RALGAPA2: variants seen among roughly 807,000 people sequenced by gnomAD.
The protein encoded by RALGAPA2 is ral GTPase-activating protein subunit alpha-2.
A neutral mutation model predicts 230.4 loss-of-function variants in RALGAPA2; 139 were observed. That is an observed-to-expected ratio of 0.60 (90% CI 0.53 to 0.69). RALGAPA2 has a LOEUF of 0.69. Ranked by LOEUF, RALGAPA2 falls within the 30% of genes least tolerant of loss-of-function variation. The pLI, the probability that RALGAPA2 is intolerant of heterozygous loss-of-function variation, is 0.00. For missense variants in RALGAPA2, 2,163 were observed against 2,276.0 expected, an observed-to-expected ratio of 0.95 and a Z score of 1.01; for synonymous variants, 847 against 837.8, an observed-to-expected ratio of 1.01 and a Z score of -0.19.
chr20:20,481,572 A>G (rs2123471168), intron 36 of RALGAPA2, among the ~76,000 whole-genome samples: 1 of 152,366 alleles, frequency 6.6e-6, no homozygotes, highest in African/African-American at 2.4e-5. Context: ...GATTTTTGGC[A>G]CTGCCTTTAT....
intron 23 of RALGAPA2, among the ~76,000 whole-genome samples, chr20:20,563,900 T>C (rs570831846): frequency 9.3e-5 from 14 of 150,524 alleles, no homozygotes; most frequent in African/African-American, 3.5e-4. Flanking sequence ...TAATGAATTA[T>C]ACACATAGAC....
At chr20:20,475,618 G>A (rs1315517471) in intron 36 of RALGAPA2, among the ~76,000 whole-genome samples, 1 of 152,020 alleles carries the variant, frequency 6.6e-6, no homozygotes, top group East Asian at 1.9e-4. Context: ...GAGCTTAAAG[G>A]GGGAAAAAGG....
At chr20:20,673,346 CACT>C (rs149021982) in intron 3 of RALGAPA2, among the ~76,000 whole-genome samples, 39 of 151,508 alleles carry the variant, frequency 2.6e-4, no homozygotes, top group African/African-American at 5.8e-4. Context: ...GTGGCACAAA[CACT>C]ACTACTACTA....
intron 1 of RALGAPA2, among the ~76,000 whole-genome samples, chr20:20,694,254 G>A (rs972974986): frequency 3.3e-5 from 5 of 152,230 alleles, no homozygotes; most frequent in Non-Finnish European, 7.4e-5. Flanking sequence ...ACAAGTCACA[G>A]AACTTAATAG....
intron 38 of RALGAPA2, 134 bp from the exon 39 acceptor site, chr20:20,396,868 TA>T: frequency 1.4e-6 from 1 of 731,602 alleles, no homozygotes; most frequent in East Asian, 2.8e-5. Flanking sequence ...TGTCAATCAG[TA>T]AAAACTGAAC....
intron 37 of RALGAPA2, among the ~76,000 whole-genome samples, chr20:20,451,362 CA>C (rs1415151340): frequency 6.6e-6 from 1 of 152,084 alleles, no homozygotes; most frequent in East Asian, 1.9e-4. Context: ...GCCTGCTCCC[CA>C]AAAGACATCT....
At chr20:20,498,187 G>C (rs76439019) in intron 35 of RALGAPA2, among the ~76,000 whole-genome samples, 1,531 of 152,232 alleles carry the variant, frequency 0.01, 21 homozygotes, top group African/African-American at 0.035. Context: ...AGTGAGTTCG[G>C]TGAGTGCACA....
At chr20:20,629,648 C>A in intron 9 of RALGAPA2, 58 bp from the exon 10 acceptor site, 2 of 1,557,638 alleles carry the variant, frequency 1.3e-6, no homozygotes, top group South Asian at 2.2e-5. Flanking sequence ...GAACACCTGG[C>A]AAAACTTCAG....
chr20:20,619,707 T>A (rs2066263279), intron 11 of RALGAPA2, among the ~76,000 whole-genome samples: 1 of 152,186 alleles, frequency 6.6e-6, no homozygotes, highest in African/African-American at 2.4e-5. Flanking sequence ...TGAATGATAA[T>A]TTGCTTACCT....
intron 3 of RALGAPA2, among the ~76,000 whole-genome samples, chr20:20,658,303 CT>C (rs1345460640): frequency 7.2e-5 from 11 of 152,182 alleles, no homozygotes; most frequent in Non-Finnish European, 1.2e-4. Flanking sequence ...TGTTTAAAGT[CT>C]ATGAGGTCAA....
chr20:20,614,494 G>A (rs1469626124), intron 13 of RALGAPA2, among the ~76,000 whole-genome samples: 2 of 152,126 alleles, frequency 1.3e-5, no homozygotes, highest in African/African-American at 4.8e-5. Flanking sequence ...TCTCATTACT[G>A]TCAATATTAC....
chr20:20,438,476 T>C (rs60664510), intron 37 of RALGAPA2, among the ~76,000 whole-genome samples: 3,151 of 152,300 alleles, frequency 0.021, 113 homozygotes, highest in African/African-American at 0.071. Context: ...GGTTGAGAGA[T>C]TGCCTTTGGG....
intron 25 of RALGAPA2, 58 bp from the exon 26 acceptor site, chr20:20,535,861 G>A: frequency 6.6e-7 from 1 of 1,515,344 alleles, no homozygotes; most frequent in Non-Finnish European, 8.9e-7. Context: ...TTTCCCACAT[G>A]TTCTGACCAT....
chr20:20,601,944 A>C, intron 15 of RALGAPA2, 98 bp from the exon 16 acceptor site: 2 of 1,084,884 alleles, frequency 1.8e-6, no homozygotes, highest in South Asian at 2.7e-5. Context: ...AACTATATAT[A>C]ATCAGCAGGT....
intron 37 of RALGAPA2, among the ~76,000 whole-genome samples, chr20:20,452,639 C>T (rs1256809084): frequency 6.6e-6 from 1 of 152,210 alleles, no homozygotes; most frequent in Non-Finnish European, 1.5e-5. Context: ...TGCTAATGAG[C>T]CTGGCGACAA....
chr20:20,625,115 G>T (rs2066450940), intron 10 of RALGAPA2, among the ~76,000 whole-genome samples: 2 of 151,802 alleles, frequency 1.3e-5, no homozygotes, highest in African/African-American at 4.8e-5. Context: ...TTCCATCTCT[G>T]CCAGCTGGCC....
At chr20:20,677,864 T>C (rs2068390217) in intron 2 of RALGAPA2, among the ~76,000 whole-genome samples, 1 of 151,826 alleles carries the variant, frequency 6.6e-6, no homozygotes, top group Admixed American at 6.6e-5. Flanking sequence ...ACCAGGATGG[T>C]CTTGATCTCC....
intron 2 of RALGAPA2, among the ~76,000 whole-genome samples, chr20:20,677,521 T>C (rs1436506164): frequency 1.3e-5 from 2 of 149,196 alleles, no homozygotes; most frequent in Non-Finnish European, 3.0e-5. Flanking sequence ...GGTTGGAGAG[T>C]AGGTGAGGCA....
intron 37 of RALGAPA2, among the ~76,000 whole-genome samples, chr20:20,416,315 G>A (rs573363215): frequency 5.9e-5 from 9 of 152,244 alleles, no homozygotes; most frequent in African/African-American, 2.2e-4. Flanking sequence ...TCCATGGCAA[G>A]CAAACCCCCT....
Sources: gnomAD v4.1 joint callset for allele counts (sites outside exome capture counted in the v4.1 genomes callset) on GRCh38, gnomAD v4.1.1 for gene constraint, MANE v1.5 for transcripts, NCBI Gene and HGNC (gene_info 2026-07-23, HGNC 2026-07-21) for gene names.